LAMA5: variants seen among roughly 807,000 people sequenced by gnomAD.
LAMA5 encodes laminin subunit alpha-5.
LAMA5 carries 260 observed loss-of-function variants against 433.4 expected under a neutral mutation model. The observed-to-expected ratio is 0.60, with a 90% CI of 0.54 to 0.66. LAMA5 has a LOEUF of 0.66. LAMA5 is among the 30% of genes least tolerant of loss of function. LAMA5 has a pLI of 0.00. For missense variants in LAMA5, 5,378 were observed against 5,258.5 expected, an observed-to-expected ratio of 1.02 and a Z score of -0.70; for synonymous variants, 2,620 against 2,226.6, an observed-to-expected ratio of 1.18 and a Z score of -4.97.
rs1982024032 is a variant in LAMA5 at position 62,338,285 on chromosome 20, C to G, written c.1703G>C (p.Gly568Ala). The change falls in exon 13 of 80, where the codon GGG becomes GCG. Residue 568 changes from glycine to alanine, a missense_variant. Coordinates refer to ENST00000252999, the MANE Select transcript of LAMA5 (RefSeq NM_005560.6). ...GGGGGCACAGCGATCACATGTGGCC[C>G]CCTCGAAGCCCACTCGGCACCTGCA... The part of the protein sequence containing the change: ...GQCRCRVGFE[G>A]ATCDRCAPGY... 6.2e-7 allele frequency: 1 copy of G among 1,602,464 alleles called. No individual in the cohort carries two copies. Among genetic ancestry groups the G allele is most frequent in the Non-Finnish European group, 8.5e-7 (1 of 1,174,924 alleles).
At chr20:62,345,176 C>A (rs4925383) in intron 11 of LAMA5, among the ~76,000 whole-genome samples, 1 of 151,748 alleles carries the variant, frequency 6.6e-6, no homozygotes, top group African/African-American at 2.4e-5. Flanking sequence ...CGCCACCATG[C>A]CCAGCTAGTA....
rs1986234692 is a variant in LAMA5 at position 62,311,232 on chromosome 20, A to G, written c.10018T>C (p.Ser3340Pro). 1 of 1,609,702 alleles carries G rather than the reference A, an allele frequency of 6.2e-7. No individual in the cohort carries two copies. The highest frequency in any genetic ancestry group is 1.1e-5 in the South Asian group (1 of 90,874). ...LPPHLRTTRD[S>P]YQFGGSLSSH... ...GACAGGGAACCCCCAAACTGGTAGG[A>G]GTCTCGGGTGGTCCTGAGGTGTGGG... The change falls in exon 73 of 80, where the codon TCC becomes CCC. Residue 3340 changes from serine to proline, a missense_variant. Transcript: ENST00000252999.
chr20:62,334,764 C>CGAGGGCGAGGGT (rs1981246506), intron 20 of LAMA5, 143 bp from the exon 21 acceptor site: 7 of 537,674 alleles, frequency 1.3e-5, no homozygotes, highest in Admixed American at 3.3e-5. Context: ...AGGGCGAGGG[C>CGAGGGCGAGGGT]GAGGGCGAGG....
intron 21 of LAMA5, 41 bp from the exon 22 acceptor site, chr20:62,334,383 C>T: frequency 6.5e-7 from 1 of 1,550,000 alleles, no homozygotes; most frequent in African/African-American, 1.4e-5. Context: ...CTTGGCCATC[C>T]TACCTAGCCC....
chr20:62,328,451 G>A lies in LAMA5; in HGVS notation c.4448-6C>T. 2.7e-6 allele frequency: 4 copies of A among 1,486,888 alleles called. No homozygotes were observed. Among genetic ancestry groups the A allele is most frequent in the South Asian group, 1.3e-5 (1 of 74,472 alleles). 92.1% of individuals were successfully genotyped at this position (1,486,888 alleles called of 1,614,324 possible). A position where few individuals can be genotyped will look rare whatever the true frequency, so the allele number is the denominator to read the frequency against. On this transcript the variant is annotated splice_polypyrimidine_tract_variant and splice_region_variant and intron_variant, in intron 34 of 79. Coordinates refer to ENST00000252999, the MANE Select transcript of LAMA5 (RefSeq NM_005560.6). ...GCGGGCACCGCAGTCACAGGCTGTG[G>A]GGCGGGTACAGGGTTTACTGACCCC...
At chr20:62,364,838 G>A (rs1034602319) in intron 1 of LAMA5, among the ~76,000 whole-genome samples, 1 of 152,240 alleles carries the variant, frequency 6.6e-6, no homozygotes, top group Admixed American at 6.5e-5. Flanking sequence ...CCCCTGGCCT[G>A]CAGCCTTGAG....
Position 62,333,941 on chromosome 20 carries a change from G to A in LAMA5, c.2838C>T (p.Val946=), listed in dbSNP as rs765348238. 44 of 1,611,892 alleles carry A rather than the reference G, an allele frequency of 2.7e-5. 1 individual carries two copies. The South Asian group carries it at 4.6e-4, about 17-fold the overall frequency. The part of the protein sequence containing the change: ...NRGAMSVSGR[V]SVREEGRSAT... ...CCGACCTGCCCTCCTCTCGCACAGA[G>A]ACCCGCCCGCTCACACTCATGGCCC... The change falls in exon 23 of 80, where the codon GTC becomes GTT. Residue 946 remains valine, a synonymous_variant. Transcript: ENST00000252999.
chr20:62,325,565 A>C lies in LAMA5; in HGVS notation c.5299-19T>G. 1 of 1,532,676 alleles carries C rather than the reference A, an allele frequency of 6.5e-7. No individual in the cohort carries two copies. Among genetic ancestry groups the C allele is most frequent in the Non-Finnish European group, 9.0e-7 (1 of 1,113,828 alleles). The allele number at this position is 1,532,676 out of a possible 1,614,324, so 94.9% of individuals were successfully genotyped here. A position where few individuals can be genotyped will look rare whatever the true frequency, so the allele number is the denominator to read the frequency against. On this transcript the variant is annotated intron_variant, in intron 40 of 79. Transcript: ENST00000252999. ...AGTTCCCCTGTGGGTCCAGGATGGC[A>C]CCTCAGTGGGGCCACACTCAATGGG...
Position 62,333,142 on chromosome 20 carries a change from G to A in LAMA5, c.3230C>T (p.Thr1077Met), listed in dbSNP as rs188335616. 2.6e-4 allele frequency: 395 copies of A among 1,507,184 alleles called. No homozygotes were observed. The highest frequency in any genetic ancestry group is 3.4e-4 in the Non-Finnish European group (386 of 1,130,834). 93.4% of individuals were successfully genotyped at this position (1,507,184 alleles called of 1,614,324 possible). A position where few individuals can be genotyped will look rare whatever the true frequency, so the allele number is the denominator to read the frequency against. ...CGGGTGCGACGGGCTGAGCTGCTCC[G>A]TGGGGCAGGGCCGGGGCAGGCTGTT... ...QDNSLPRPCP[T>M]EQLSPSHPPL... is the part of the protein sequence containing the mutation. Residue 1077 changes from threonine to methionine, a missense_variant, in exon 26 of 80, where the codon ACG (threonine) becomes ATG (methionine). Physicochemically the swap from Thr to Met is moderately conservative, Grantham distance 81 (BLOSUM62 -1). Transcript: ENST00000252999.
intron 58 of LAMA5, 44 bp from the exon 59 acceptor site, chr20:62,315,251 C>T (rs1394159408): frequency 6.6e-7 from 1 of 1,519,818 alleles, no homozygotes; most frequent in Non-Finnish European, 8.9e-7. Context: ...CAGCGGGGAC[C>T]ATCCTGGCTT....
At position 62,310,089 on chromosome 20, in the gene LAMA5, G is replaced by T; in HGVS notation, c.10735-8C>A. The T allele has an allele frequency of 6.2e-7, 1 of 1,611,086 alleles. No individual in the cohort carries two copies. On this transcript the variant is annotated splice_polypyrimidine_tract_variant and splice_region_variant and intron_variant, in intron 77 of 79. Transcript: ENST00000252999. ...ATCCGCCCGCAGCAGGACCTGGCGG[G>T]GTAGGAAGGGAGGGTCAGGCTATGC...
chr20:62,355,947 G>A (rs771980113), intron 2 of LAMA5, among the ~76,000 whole-genome samples: 22 of 152,272 alleles, frequency 1.4e-4, no homozygotes, highest in African/African-American at 2.4e-4. Context: ...CCTGGGAGCC[G>A]CCCCCGCTGT....
chr20:62,314,164 G>A (rs1044252976), intron 62 of LAMA5, 140 bp downstream of exon 62: 8 of 1,124,258 alleles, frequency 7.1e-6, no homozygotes, highest in South Asian at 1.4e-5. Context: ...GAGGGGTGGC[G>A]AGTGGGCACG....
Position 62,337,613 on chromosome 20 carries a change from G to A in LAMA5, c.2141C>T (p.Ala714Val), listed in dbSNP as rs1276540244. The change falls in exon 16 of 80, where the codon GCC becomes GTC. Residue 714 changes from alanine to valine, a missense_variant. Physicochemically the swap from Ala to Val is moderately conservative, Grantham distance 64 (BLOSUM62 0). Transcript: ENST00000252999. ...ACCTTCGCAGTAGGGGAAGTTGTAGGCACCGGGCACACATGTGTCACACCG... is the reference window on the plus strand; with the variant it reads ...ACCTTCGCAGTAGGGGAAGTTGTAGACACCGGGCACACATGTGTCACACCG... ...GLRCDTCVPG[A>V]YNFPYCEAGS... 12 of 1,610,666 alleles carry A rather than the reference G, an allele frequency of 7.5e-6. No homozygotes were observed. Among genetic ancestry groups the A allele is most frequent in the Non-Finnish European group, 1.0e-5 (12 of 1,179,068 alleles).
At chr20:62,320,267 G>A (rs1359166041) in intron 50 of LAMA5, among the ~76,000 whole-genome samples, 8 of 131,546 alleles carry the variant, frequency 6.1e-5, no homozygotes, top group African/African-American at 2.3e-4. Flanking sequence ...ATGGTAAGCC[G>A]AGATCGAGCC....
chr20:62,333,532 GC>G lies in LAMA5; in HGVS notation c.3021+31del, dbSNP rs752111923. 1.8e-5 allele frequency: 29 copies of G among 1,573,318 alleles called. No homozygotes were observed. The East Asian group carries it at 6.8e-4, about 37-fold the overall frequency. ...GTGGTGGGCCCCACCCCCTGACCCG[GC>G]CCCCAGCCCTCACTCTGGCCCCTGC... On this transcript the variant is annotated intron_variant, in intron 24 of 79. Coordinates refer to ENST00000252999, the MANE Select transcript of LAMA5 (RefSeq NM_005560.6).
Position 62,319,007 on chromosome 20 carries a change from A to G in LAMA5, c.6878T>C (p.Met2293Thr), listed in dbSNP as rs1987363184. Reference protein sequence around the residue: ...RAVDRTLSELMSQTGHLGLAN... With the variant: ...RAVDRTLSELTSQTGHLGLAN... ...CAGCCCCAGGTGGCCCGTCTGGGAC[A>G]TGAGCTCTGTGGGGCAGGGGTTCGT... Residue 2293 changes from methionine (M) to threonine (T), a missense_variant, in exon 52 of 80, where the codon ATG (methionine) becomes ACG (threonine). By Grantham distance (81) the Met-to-Thr change is moderately conservative (BLOSUM62 -1). Coordinates refer to ENST00000252999, the MANE Select transcript of LAMA5 (RefSeq NM_005560.6). 1 of 1,579,960 alleles carries G rather than the reference A, an allele frequency of 6.3e-7. No homozygotes were observed. Among genetic ancestry groups the G allele is most frequent in the South Asian group, 1.1e-5 (1 of 87,580 alleles).
chr20:62,362,373 C>T (rs1601436648), intron 2 of LAMA5, 27 bp downstream of exon 2: 1 of 1,476,754 alleles, frequency 6.8e-7, no homozygotes, highest in Non-Finnish European at 9.0e-7. Context: ...GAGATGGGGG[C>T]TGCAGCACGC....
chr20:62,320,223 C>G (rs550979758), intron 50 of LAMA5, among the ~76,000 whole-genome samples: 1 of 141,772 alleles, frequency 7.1e-6, no homozygotes, highest in Non-Finnish European at 1.5e-5. Context: ...GAGGCTGAGG[C>G]AGGAGAATCG....
Sources: allele counts gnomAD v4.1 joint callset (sites outside exome capture counted in the v4.1 genomes callset), GRCh38; gene constraint gnomAD v4.1.1; transcripts MANE v1.5; gene names NCBI Gene and HGNC (gene_info 2026-07-23, HGNC 2026-07-21).